The following TYW5 variants were observed in gnomAD, a reference collection of about 807,000 sequenced individuals.
The protein encoded by TYW5 is tRNA-yW synthesizing protein 5.
Under a neutral mutation model 44.4 loss-of-function variants are expected in TYW5, and 36 were observed. That is an observed-to-expected ratio of 0.81 (90% CI 0.62 to 1.07). The LOEUF (loss-of-function observed/expected upper bound fraction) is 1.07. Among genes scored for constraint, TYW5 ranks in the 50% least tolerant of loss-of-function variants. The pLI, the probability that TYW5 is intolerant of heterozygous loss-of-function variation, is 0.00. For synonymous variants in TYW5, 121 were observed against 128.1 expected (o/e 0.94, Z 0.37); for missense variants, 354 against 365.7 (o/e 0.97, Z 0.26).
At position 199,929,334 on chromosome 2, in the gene TYW5, T is replaced by A. The variant is rs1421824243; in HGVS notation, c.*3733A>T. Among the ~76,000 whole-genome samples the A allele has an allele frequency of 6.6e-6, 1 of 151,936 alleles. No individual in the cohort carries two copies. Among genetic ancestry groups the A allele is most frequent in the Non-Finnish European group, 1.5e-5 (1 of 67,926 alleles). ...ACATGTACCCTAGAACTTAAAAGTA[T>A]AATAAAAAAATAAATAGAGACTACA... On this transcript the variant is annotated 3_prime_UTR_variant, in exon 8 of 8. Coordinates refer to ENST00000354611, the MANE Select transcript of TYW5 (RefSeq NM_001039693.3).
intron 4 of TYW5, 87 bp from the exon 5 acceptor site, chr2:199,939,157 T>G: frequency 8.2e-7 from 1 of 1,213,838 alleles, no homozygotes; most frequent in Non-Finnish European, 1.1e-6. Flanking sequence ...TTCACTGCTT[T>G]AAAATACTAT....
intron 1 of TYW5, among the ~76,000 whole-genome samples, chr2:199,950,234 T>C (rs186275352): frequency 1.5e-3 from 224 of 152,314 alleles, no homozygotes; most frequent in Non-Finnish European, 2.6e-3. Context: ...CTAACAGGTG[T>C]ACGTATGAAC....
In TYW5 at chr2:199,933,024, T is replaced by C. The variant is rs2077391453; in HGVS notation, c.*43A>G. The C allele has an allele frequency of 6.3e-7, 1 of 1,594,186 alleles. No homozygotes were observed. The highest frequency in any genetic ancestry group is 8.5e-7 in the Non-Finnish European group (1 of 1,170,814). ...ACAAAATCTTTAATTTATATCGTTA[T>C]ACCTTACTAAAGTGTTAATGTGCAT... On this transcript the variant is annotated 3_prime_UTR_variant, in exon 8 of 8. Transcript: ENST00000354611.
rs1044834521 is a variant in TYW5, at chr2:199,945,101, C to T, written c.234-1267G>A. On this transcript the variant is annotated intron_variant, in intron 2 of 7. Transcript: ENST00000354611. The stretch of plus-strand genomic sequence containing the variant: ...TGCAACTCTCCTAACTGAGTATGGC[C>T]CTTGGAGGAACGCAGAAGCTAAGTT... 3 of 152,130 alleles carry T rather than the reference C, an allele frequency of 2.0e-5. No individual in the cohort carries two copies. In the East Asian group the frequency reaches 5.8e-4, roughly 29 times the overall value. The allele number at this position is 152,130 out of a possible 1,614,324, so 9.4% of individuals were successfully genotyped here. A position where few individuals can be genotyped will look rare whatever the true frequency, so the allele number is the denominator to read the frequency against.
chr2:199,954,886 G>A (rs1241089918), intron 1 of TYW5, among the ~76,000 whole-genome samples: 1 of 152,190 alleles, frequency 6.6e-6, no homozygotes, highest in African/African-American at 2.4e-5. Flanking sequence ...AGCACTGCAA[G>A]TAAAAGCACT....
chr2:199,936,737 G>C (rs557293209), intron 5 of TYW5, among the ~76,000 whole-genome samples: 5 of 152,248 alleles, frequency 3.3e-5, no homozygotes, highest in African/African-American at 1.2e-4. Context: ...GTCAGAAAAC[G>C]ATTTGCCTTT....
intron 1 of TYW5, among the ~76,000 whole-genome samples, chr2:199,952,006 G>C (rs1316814317): frequency 4.7e-5 from 7 of 148,886 alleles, no homozygotes; most frequent in Admixed American, 4.0e-4. Context: ...GACAGAGCAA[G>C]ACTCCGTCTC....
chr2:199,954,316 G>A (rs547060259), intron 1 of TYW5, among the ~76,000 whole-genome samples: 7 of 151,886 alleles, frequency 4.6e-5, no homozygotes, highest in African/African-American at 1.7e-4. Flanking sequence ...TGGCCAGGCT[G>A]GTCTTGAACT....
At position 199,949,368 on chromosome 2, in the gene TYW5, A is replaced by G. The variant is rs560323671; in HGVS notation, c.79-896T>C. Among the ~76,000 whole-genome samples the G allele has an allele frequency of 8.5e-5, 13 of 152,284 alleles. No individual in the cohort carries two copies. In the East Asian group the frequency reaches 2.5e-3, roughly 29 times the overall value. On this transcript the variant is annotated intron_variant, in intron 1 of 7. Coordinates refer to ENST00000354611, the MANE Select transcript of TYW5 (RefSeq NM_001039693.3). Reference sequence around the variant, plus strand: ...GGGCGACAGAGTGAAACTCCATCACACACAAAAAAACAAAAAACAAAACAC... The same window carrying G: ...GGGCGACAGAGTGAAACTCCATCACGCACAAAAAAACAAAAAACAAAACAC...
chr2:199,952,896 T>G (rs1042487879), intron 1 of TYW5, among the ~76,000 whole-genome samples: 22 of 152,272 alleles, frequency 1.4e-4, no homozygotes, highest in African/African-American at 4.8e-4. Flanking sequence ...AACCGAATTT[T>G]ATCATTTTCT....
Position 199,943,781 on chromosome 2 carries a change from T to C in TYW5, c.287A>G (p.Glu96Gly). Residue 96 changes from glutamate to glycine, a missense_variant, in exon 3 of 8, where the codon GAA becomes GGA. Coordinates refer to ENST00000354611, the MANE Select transcript of TYW5 (RefSeq NM_001039693.3). ...AGCAATTACCTCTGAAACAAAGAATTCTTTATGTTTCTCTTCAGCTGCCCT... is the reference window on the plus strand; with the variant it reads ...AGCAATTACCTCTGAAACAAAGAATCCTTTATGTTTCTCTTCAGCTGCCCT... ...VQRAAEEKHKEFFVSEDEKYY... is the reference protein window; with the variant it reads ...VQRAAEEKHKGFFVSEDEKYY... 6.2e-7 allele frequency: 1 copy of C among 1,610,084 alleles called. No homozygotes were observed. Among genetic ancestry groups the C allele is most frequent in the Non-Finnish European group, 8.5e-7 (1 of 1,179,112 alleles).
rs745429048 is a variant in TYW5, at chr2:199,931,128, G to A, written c.*1939C>T. On this transcript the variant is annotated 3_prime_UTR_variant, in exon 8 of 8. Coordinates refer to ENST00000354611, the MANE Select transcript of TYW5 (RefSeq NM_001039693.3). ...ATTATAAATTAATACTGCAACAGGA[G>A]CTACCTCAAATCTCTCAACAAAGAT... is the stretch of plus-strand genomic sequence containing the variant. The A allele has an allele frequency of 2.0e-5, 3 of 152,124 alleles. No individual in the cohort carries two copies. The highest frequency in any genetic ancestry group is 4.4e-5 in the Non-Finnish European group (3 of 68,018). The allele number at this position is 152,124 out of a possible 1,614,324, so 9.4% of individuals were successfully genotyped here. A position where few individuals can be genotyped will look rare whatever the true frequency, so the allele number is the denominator to read the frequency against.
At chr2:199,937,675 C>T (rs1574796467) in intron 5 of TYW5, among the ~76,000 whole-genome samples, 1 of 144,264 alleles carries the variant, frequency 6.9e-6, no homozygotes, top group Admixed American at 6.8e-5. Context: ...TCTCAAAAAA[C>T]AACAACAACA....
Position 199,933,111 on chromosome 2 carries a change from C to T in TYW5, c.904G>A (p.Val302Ile). 1 of 1,614,070 alleles carries T rather than the reference C, an allele frequency of 6.2e-7. No individual in the cohort carries two copies. The change falls in exon 8 of 8, where the codon GTC becomes ATC. Residue 302 changes from valine (V) to isoleucine (I), a missense_variant. Transcript: ENST00000354611. ...TAGGCTTTGTCTTGAATGTGTAGGA[C>T]CATTCGTCGTGCATAGAAGTCCCTA... ...EYRDFYARRMVLHIQDKAYSK... is the reference protein window; with the variant it reads ...EYRDFYARRMILHIQDKAYSK...
rs562657419 is a variant in TYW5 at position 199,929,043 on chromosome 2, A to G, written c.*4024T>C. Among the ~76,000 whole-genome samples, 27 of 152,308 alleles carry G rather than the reference A, an allele frequency of 1.8e-4. 2 individuals are homozygous for G. In the South Asian group the frequency reaches 4.6e-3, roughly 26 times the overall value. ...AAAACATAAGAGGAGATATAGACAG[A>G]CCTCATCTGTAAACTCATGTTGCTC... On this transcript the variant is annotated 3_prime_UTR_variant, in exon 8 of 8. Transcript: ENST00000354611.
At chr2:199,952,474 T>C (rs942198509) in intron 1 of TYW5, among the ~76,000 whole-genome samples, 2 of 152,286 alleles carry the variant, frequency 1.3e-5, no homozygotes, top group African/African-American at 2.4e-5. Context: ...CATTTTAATG[T>C]TTTTTCCCCC....
intron 5 of TYW5, 90 bp downstream of exon 5, chr2:199,938,843 G>A: frequency 7.5e-7 from 1 of 1,329,414 alleles, no homozygotes; most frequent in Non-Finnish European, 1.0e-6. Context: ...AGATGTTTAG[G>A]GTAACCTATA....
At chr2:199,953,670 T>C (rs2077566248) in intron 1 of TYW5, among the ~76,000 whole-genome samples, 1 of 152,220 alleles carries the variant, frequency 6.6e-6, no homozygotes, top group Non-Finnish European at 1.5e-5. Context: ...TATGGAGTTA[T>C]TAGAAAATGT....
At position 199,931,389 on chromosome 2, in the gene TYW5, G is replaced by A. The variant is rs537862236; in HGVS notation, c.*1678C>T. The A allele has an allele frequency of 1.4e-4, 21 of 152,050 alleles. 1 individual carries two copies. The South Asian group carries it at 4.4e-3, about 32-fold the overall frequency. The allele number at this position is 152,050 out of a possible 1,614,324, so 9.4% of individuals were successfully genotyped here. On this transcript the variant is annotated 3_prime_UTR_variant, in exon 8 of 8. Transcript: ENST00000354611. The stretch of plus-strand genomic sequence containing the variant: ...ACTTCCAAGTTTTCTACATGACTCT[G>A]GATTTATACTTTGTATCAATTCTCT...
Sources: allele counts gnomAD v4.1 joint callset (sites outside exome capture counted in the v4.1 genomes callset), GRCh38; gene constraint gnomAD v4.1.1; transcripts MANE v1.5; gene names NCBI Gene and HGNC (gene_info 2026-07-23, HGNC 2026-07-21).